ZNF226: variants seen among roughly 807,000 people sequenced by gnomAD.
ZNF226 encodes the protein Kruppel-associated box protein.
In ZNF226, 6 loss-of-function variants were observed where a neutral mutation model predicts 11.4. The observed-to-expected ratio is 0.53, with a 90% confidence interval of 0.29 to 1.04. The LOEUF (loss-of-function observed/expected upper bound fraction) is 1.04. ZNF226 is among the 50% of genes least tolerant of loss of function. The pLI, the probability that ZNF226 is intolerant of heterozygous loss-of-function variation, is 0.08. For synonymous variants in ZNF226, 350 were observed against 322.8 expected (o/e 1.08, Z -0.90); for missense variants, 1,058 against 956.5 (o/e 1.11, Z -1.40).
chr19:44,175,930 C>T lies in ZNF226; in HGVS notation c.668C>T (p.Ser223Phe), dbSNP rs754808870. The stretch of plus-strand genomic sequence containing the variant: ...CATAGAGTACACAAAAGTGAAAAAT[C>T]TTATAGACCCAATGATTATGAAAAA... ...DGHRVHKSEK[S>F]YRPNDYEKDN... Residue 223 changes from serine (S) to phenylalanine (F), a missense_variant, in exon 6 of 6, where the codon TCT (serine) becomes TTT (phenylalanine). Ser to Phe is a radical substitution (Grantham distance 155). Coordinates refer to ENST00000337433, the MANE Select transcript of ZNF226 (RefSeq NM_001032373.2). The T allele has an allele frequency of 3.3e-5, 54 of 1,612,748 alleles. No individual in the cohort carries two copies. The highest frequency in any genetic ancestry group is 4.5e-5 in the Non-Finnish European group (53 of 1,179,636).
At position 44,176,530 on chromosome 19, in the gene ZNF226, A is replaced by G. The variant is rs749093857; in HGVS notation, c.1268A>G (p.Glu423Gly). 18 of 1,614,048 alleles carry G rather than the reference A, an allele frequency of 1.1e-5. No homozygotes were observed. Among genetic ancestry groups the G allele is most frequent in the Middle Eastern group, 1.6e-4 (1 of 6,084 alleles). Residue 423 changes from glutamate to glycine, a missense_variant, in exon 6 of 6, where the codon GAG (glutamate) becomes GGG (glycine). Transcript: ENST00000337433. ...HTGEKPYKCE[E>G]CGKGFICSSN... ...GGAGAGAAACCATACAAATGTGAGG[A>G]GTGTGGTAAGGGCTTCATTTGTAGC... is the stretch of plus-strand genomic sequence containing the variant.
At chr19:44,171,930 C>G (rs558508429) in intron 3 of ZNF226, among the ~76,000 whole-genome samples, 158 bp from the exon 4 acceptor site, 1 of 152,298 alleles carries the variant, frequency 6.6e-6, no homozygotes, top group African/African-American at 2.4e-5. Flanking sequence ...CACAGCAGCA[C>G]TTTTGGTAAG....
chr19:44,176,115 C>A lies in ZNF226; in HGVS notation c.853C>A (p.Arg285Ser). The A allele has an allele frequency of 6.2e-7, 1 of 1,614,094 alleles. No homozygotes were observed. Among genetic ancestry groups the A allele is most frequent in the African/African-American group, 1.3e-5 (1 of 75,012 alleles). ...AGAGAAGTCTCTTACATGTGTTGAG[C>A]GTGGAAAAGGCTTCTGTTACAGCCC... ...SGEKSLTCVE[R>S]GKGFCYSPVL... The change falls in exon 6 of 6, where the codon CGT (arginine) becomes AGT (serine). Residue 285 changes from arginine (R) to serine (S), a missense_variant. Transcript: ENST00000337433.
At chr19:44,167,214 C>T (rs1049886074) in intron 2 of ZNF226, among the ~76,000 whole-genome samples, 3 of 151,788 alleles carry the variant, frequency 2.0e-5, no homozygotes, top group Non-Finnish European at 2.9e-5. Flanking sequence ...GGAAGATCAG[C>T]TACCTATTTA....
At chr19:44,171,677 C>G (rs1204445893) in intron 3 of ZNF226, among the ~76,000 whole-genome samples, 1 of 152,188 alleles carries the variant, frequency 6.6e-6, no homozygotes, top group African/African-American at 2.4e-5. Flanking sequence ...GACAGGAGGA[C>G]AGAGAGAGTC....
chr19:44,195,669 TG>T, the ZNF226 span, among the ~76,000 whole-genome samples: 4 of 152,212 alleles, frequency 2.6e-5, no homozygotes, highest in Non-Finnish European at 4.4e-5. Context: ...AAAGTATTTT[TG>T]TATGTGTAAG....
At chr19:44,174,917 CCTACCTCAGGTACAGCTTTTCAA>C in intron 5 of ZNF226, 1 of 1,456,378 alleles carries the variant, frequency 6.9e-7, no homozygotes, top group East Asian at 2.3e-5. Context: ...TTGGTGTACC[CCTACCTCAGGTACAGCTTTTCAA>C]CTTTGCAGCA....
At chr19:44,185,899 A>C in the ZNF226 span, among the ~76,000 whole-genome samples, 2 of 152,064 alleles carry the variant, frequency 1.3e-5, no homozygotes, top group Non-Finnish European at 2.9e-5. Flanking sequence ...TAGGTCTTAC[A>C]TTTAGGCCTT....
At chr19:44,183,416 A>G in the ZNF226 span, among the ~76,000 whole-genome samples, 3 of 152,192 alleles carry the variant, frequency 2.0e-5, no homozygotes, top group African/African-American at 4.8e-5. Context: ...TCCCTGATCC[A>G]TGGAAAGAGG....
downstream of ZNF226, among the ~76,000 whole-genome samples, chr19:44,181,981 AATAG>A (rs1970912632): frequency 6.6e-6 from 1 of 152,232 alleles, no homozygotes; most frequent in East Asian, 1.9e-4. Flanking sequence ...AAACCTGAGA[AATAG>A]ATATGGTTGT....
chr19:44,190,264 A>T, the ZNF226 span, among the ~76,000 whole-genome samples: 1 of 152,180 alleles, frequency 6.6e-6, no homozygotes, highest in African/African-American at 2.4e-5. Flanking sequence ...TTTAAAGTTT[A>T]TTTATTACTT....
chr19:44,197,022 T>C, the ZNF226 span, among the ~76,000 whole-genome samples: 1 of 152,234 alleles, frequency 6.6e-6, no homozygotes, highest in East Asian at 1.9e-4. Flanking sequence ...TTGACTACTT[T>C]TCCTTTTATC....
Position 44,177,675 on chromosome 19 carries a change from T to C in ZNF226, c.*1T>C, listed in dbSNP as rs1265672734. 3.2e-6 allele frequency: 5 copies of C among 1,571,368 alleles called. No individual in the cohort carries two copies. In the African/African-American group the frequency reaches 4.1e-5, roughly 13 times the overall value. On this transcript the variant is annotated 3_prime_UTR_variant, in exon 6 of 6. Coordinates refer to ENST00000337433, the MANE Select transcript of ZNF226 (RefSeq NM_001032373.2). The stretch of plus-strand genomic sequence containing the variant: ...ACAGGAAAAAAAATCTATAAAATGA[T>C]TCTTTGTGAAGACTCGTGTCATTTG...
At chr19:44,170,627 G>T (rs994321743) in intron 3 of ZNF226, among the ~76,000 whole-genome samples, 1 of 152,164 alleles carries the variant, frequency 6.6e-6, no homozygotes, top group African/African-American at 2.4e-5. Flanking sequence ...CCAGCTATTC[G>T]GGAGGCTGAG....
At chr19:44,189,999 A>G in the ZNF226 span, among the ~76,000 whole-genome samples, 2 of 152,184 alleles carry the variant, frequency 1.3e-5, no homozygotes, top group East Asian at 3.9e-4. Flanking sequence ...AGAAAATTAG[A>G]TTAGGGAACC....
rs756724867 is a variant in ZNF226, at chr19:44,176,229, C to G, written c.967C>G (p.Gln323Glu). Reference sequence around the variant, plus strand: ...GGAATTCAGTCAGGGCGCTCATCTACAGACCCATCAGAAAGTCCACGTGAT... The same window carrying G: ...GGAATTCAGTCAGGGCGCTCATCTAGAGACCCATCAGAAAGTCCACGTGAT... ...GKEFSQGAHLQTHQKVHVIEK... is the reference protein window; with the variant it reads ...GKEFSQGAHLETHQKVHVIEK... Residue 323 changes from glutamine to glutamate, a missense_variant, in exon 6 of 6, where the codon CAG (glutamine) becomes GAG (glutamate). Gln to Glu is a conservative substitution (Grantham distance 29). Transcript: ENST00000337433. 2 of 1,614,142 alleles carry G rather than the reference C, an allele frequency of 1.2e-6. No individual in the cohort carries two copies. The highest frequency in any genetic ancestry group is 1.7e-6 in the Non-Finnish European group (2 of 1,180,020).
the ZNF226 span, among the ~76,000 whole-genome samples, chr19:44,198,426 C>T: frequency 6.6e-6 from 1 of 152,058 alleles, no homozygotes; most frequent in African/African-American, 2.4e-5. Context: ...CTGAATAGCA[C>T]CACATATTTT....
At position 44,177,354 on chromosome 19, in the gene ZNF226, C is replaced by G. The variant is rs374819818; in HGVS notation, c.2092C>G (p.Pro698Ala). ...MHQRVHTGEK[P>A]YKCGECGKYF... ...TCAGAGGGTGCACACAGGAGAAAAA[C>G]CATATAAATGTGGGGAGTGTGGTAA... is the stretch of plus-strand genomic sequence containing the variant. Residue 698 changes from proline to alanine, a missense_variant, in exon 6 of 6, where the codon CCA (proline) becomes GCA (alanine). By Grantham distance (27) the Pro-to-Ala change is conservative (BLOSUM62 -1). Transcript: ENST00000337433. The G allele has an allele frequency of 9.0e-5, 145 of 1,613,862 alleles. No homozygotes were observed. Among genetic ancestry groups the G allele is most frequent in the Non-Finnish European group, 1.2e-4 (136 of 1,179,998 alleles).
At position 44,170,031 on chromosome 19, in the gene ZNF226, C is replaced by G. The variant is rs1969897002; in HGVS notation, c.-46-4C>G. 6.3e-7 allele frequency: 1 copy of G among 1,575,048 alleles called. No homozygotes were observed. The highest frequency in any genetic ancestry group is 1.4e-5 in the African/African-American group (1 of 73,368). On this transcript the variant is annotated splice_region_variant and splice_polypyrimidine_tract_variant and intron_variant, in intron 2 of 5. Coordinates refer to ENST00000337433, the MANE Select transcript of ZNF226 (RefSeq NM_001032373.2). ...TTTTGATTTATTTCTCTCTTCTTTCCTAGTTCAGCTTCTTAGGACTCTGCA... is the reference window on the plus strand; with the variant it reads ...TTTTGATTTATTTCTCTCTTCTTTCGTAGTTCAGCTTCTTAGGACTCTGCA...
Sources: allele counts gnomAD v4.1 joint callset (sites outside exome capture counted in the v4.1 genomes callset), GRCh38; gene constraint gnomAD v4.1.1; transcripts MANE v1.5; gene names NCBI Gene and HGNC (gene_info 2026-07-23, HGNC 2026-07-21).